Variants in ADAMTS19 observed in about 807,000 individuals in gnomAD.
The protein encoded by ADAMTS19 is ADAM metallopeptidase with thrombospondin type 1 motif 19, also known as A disintegrin and metalloproteinase with thrombospondin motifs 19.
In ADAMTS19, 93 loss-of-function variants were observed where a neutral mutation model predicts 153.3. The observed-to-expected ratio is 0.61, with a 90% CI of 0.51 to 0.72. The LOEUF is 0.72. Ranked by LOEUF, ADAMTS19 falls within the 30% of genes least tolerant of loss-of-function variation. ADAMTS19 has a pLI of 0.00. For synonymous variants in ADAMTS19, 600 were observed against 556.6 expected (o/e 1.08, Z -1.10); for missense variants, 1,482 against 1,552.1 (o/e 0.95, Z 0.76).
intron 3 of ADAMTS19, among the ~76,000 whole-genome samples, chr5:129,518,770 C>G (rs1359937260): frequency 6.6e-6 from 1 of 151,832 alleles, no homozygotes; most frequent in Admixed American, 6.6e-5. Flanking sequence ...TTTGTAAAAA[C>G]TTTCTACCTT....
intron 6 of ADAMTS19, among the ~76,000 whole-genome samples, chr5:129,537,002 A>G (rs1752458844): frequency 6.6e-6 from 1 of 152,054 alleles, no homozygotes; most frequent in South Asian, 2.1e-4. Context: ...TGGCACATGT[A>G]TACATATGTA....
intron 17 of ADAMTS19, among the ~76,000 whole-genome samples, chr5:129,683,511 C>A (rs1375984867): frequency 6.6e-6 from 1 of 151,972 alleles, no homozygotes; most frequent in Non-Finnish European, 1.5e-5. Flanking sequence ...AGTGGAAAAT[C>A]AGTAACCTTG....
At chr5:129,510,897 A>C (rs1259358477) in intron 3 of ADAMTS19, among the ~76,000 whole-genome samples, 2 of 150,628 alleles carry the variant, frequency 1.3e-5, no homozygotes, top group Non-Finnish European at 3.0e-5. Context: ...TGATTGTTAC[A>C]TGTAAATGTT....
chr5:129,608,140 A>ATATATATATT (rs1164899419), intron 8 of ADAMTS19, among the ~76,000 whole-genome samples: 1 of 132,928 alleles, frequency 7.5e-6, no homozygotes, highest in African/African-American at 2.7e-5. Context: ...ATATATATAT[A>ATATATATATT]ATGGAACATT....
chr5:129,564,910 T>C (rs1753652377), intron 7 of ADAMTS19, among the ~76,000 whole-genome samples: 1 of 152,176 alleles, frequency 6.6e-6, no homozygotes, highest in South Asian at 2.1e-4. Flanking sequence ...CTGTGAGGTT[T>C]ATTTATATAT....
intron 21 of ADAMTS19, among the ~76,000 whole-genome samples, chr5:129,706,711 C>G (rs1246224956): frequency 1.3e-5 from 2 of 152,100 alleles, no homozygotes; most frequent in African/African-American, 2.4e-5. Context: ...TCATACAATG[C>G]TGCATGTGGA....
At chr5:129,463,455 G>A (rs982206933) in intron 2 of ADAMTS19, among the ~76,000 whole-genome samples, 3 of 152,136 alleles carry the variant, frequency 2.0e-5, no homozygotes, top group East Asian at 3.9e-4. Flanking sequence ...ATACATCCCT[G>A]TTTATCATGT....
At chr5:129,684,715 C>T (rs10071477) in intron 18 of ADAMTS19, among the ~76,000 whole-genome samples, 13,002 of 151,846 alleles carry the variant, frequency 0.086, 1,146 homozygotes, top group African/African-American at 0.22. Context: ...GGGCCGGGCG[C>T]GGTGGCTCAC....
intron 16 of ADAMTS19, among the ~76,000 whole-genome samples, chr5:129,678,297 G>C (rs1754642605): frequency 6.6e-6 from 1 of 152,106 alleles, no homozygotes; most frequent in African/African-American, 2.4e-5. Flanking sequence ...CCTTAGTCTA[G>C]AATGCCCTTT....
rs549843612 is a variant in ADAMTS19, at chr5:129,530,592, G to A, written c.1328+1915G>A. The stretch of plus-strand genomic sequence containing the variant: ...AACATTTCTAATGTATTGAAAGAAA[G>A]TAAAATAAAGAAATCCTATCAACCA... On this transcript the variant is annotated intron_variant, in intron 6 of 22. Transcript: ENST00000274487. Among the ~76,000 whole-genome samples, 32 of 152,194 alleles carry A rather than the reference G, an allele frequency of 2.1e-4. No homozygotes were observed. The South Asian group carries it at 6.6e-3, about 32-fold the overall frequency.
chr5:129,572,018 T>C (rs1369835487), intron 7 of ADAMTS19, among the ~76,000 whole-genome samples: 2 of 151,818 alleles, frequency 1.3e-5, no homozygotes, highest in Non-Finnish European at 2.9e-5. Context: ...AAATGTAAAA[T>C]GCAAAACTAT....
intron 11 of ADAMTS19, among the ~76,000 whole-genome samples, chr5:129,645,865 G>A (rs1223441869): frequency 6.8e-6 from 1 of 147,492 alleles, no homozygotes; most frequent in Non-Finnish European, 1.5e-5. Flanking sequence ...GTTTTCACAT[G>A]GTTTCTTTCT....
At chr5:129,675,477 T>G (rs1300752601) in intron 16 of ADAMTS19, among the ~76,000 whole-genome samples, 1 of 152,188 alleles carries the variant, frequency 6.6e-6, no homozygotes, top group East Asian at 1.9e-4. Context: ...TCTATTATAT[T>G]AGCTTTCCTT....
At chr5:129,712,096 T>C (rs995624405) in intron 21 of ADAMTS19, among the ~76,000 whole-genome samples, 1 of 152,194 alleles carries the variant, frequency 6.6e-6, no homozygotes, top group Non-Finnish European at 1.5e-5. Context: ...GTTAGCATTT[T>C]ATTCAAAATT....
At chr5:129,523,182 A>G (rs1751887163) in intron 3 of ADAMTS19, among the ~76,000 whole-genome samples, 1 of 152,178 alleles carries the variant, frequency 6.6e-6, no homozygotes. Flanking sequence ...ATAATAGAAT[A>G]GAATAGGCAA....
chr5:129,653,853 T>C (rs1030189343), intron 13 of ADAMTS19, among the ~76,000 whole-genome samples: 1 of 152,092 alleles, frequency 6.6e-6, no homozygotes, highest in Non-Finnish European at 1.5e-5. Flanking sequence ...TACTAGCACA[T>C]TGAAATTTAG....
At chr5:129,561,462 G>C (rs1304598257) in intron 7 of ADAMTS19, among the ~76,000 whole-genome samples, 2 of 151,754 alleles carry the variant, frequency 1.3e-5, no homozygotes, top group Non-Finnish European at 2.9e-5. Context: ...CCGGGAAGCG[G>C]AGCTTGCAGT....
intron 15 of ADAMTS19, among the ~76,000 whole-genome samples, chr5:129,662,733 A>G (rs1460490108): frequency 6.6e-6 from 1 of 152,104 alleles, no homozygotes; most frequent in African/African-American, 2.4e-5. Context: ...TGGGACACTC[A>G]GAACTGACTG....
chr5:129,588,330 T>A (rs1749922804), intron 7 of ADAMTS19, among the ~76,000 whole-genome samples: 1 of 152,166 alleles, frequency 6.6e-6, no homozygotes, highest in Non-Finnish European at 1.5e-5. Context: ...TATGACGTTG[T>A]TCTTTGTATA....
Sources: gnomAD v4.1 joint callset for allele counts (sites outside exome capture counted in the v4.1 genomes callset) on GRCh38, gnomAD v4.1.1 for gene constraint, MANE v1.5 for transcripts, NCBI Gene and HGNC (gene_info 2026-07-23, HGNC 2026-07-21) for gene names.